The following TBC1D12 variants were observed in gnomAD, a reference collection of about 807,000 sequenced individuals.
TBC1D12 encodes the protein TBC1 domain family, member 12.
Under a neutral mutation model 86.7 loss-of-function variants are expected in TBC1D12, and 56 were observed. That is an observed-to-expected ratio of 0.65 (90% CI 0.52 to 0.81). The LOEUF is 0.81. TBC1D12 is among the 30% of genes least tolerant of loss of function. The pLI is 0.00. For missense variants in TBC1D12, 1,023 were observed against 1,038.8 expected (o/e 0.98, Z 0.21); for synonymous variants, 421 against 411.7 (o/e 1.02, Z -0.27).
In TBC1D12 at chr10:94,403,236, A is replaced by T. The variant is rs1445280040; in HGVS notation, c.623A>T (p.Asp208Val). Residue 208 changes from aspartate (D) to valine (V), a missense_variant, in exon 1 of 13, where the codon GAC (aspartate) becomes GTC (valine). Physicochemically the swap from Asp to Val is radical, Grantham distance 152. Coordinates refer to ENST00000225235, the MANE Select transcript of TBC1D12 (RefSeq NM_015188.2). ...CGGAGCTGCTGCCTGGTGGCCGCGG[A>T]CGCCCAGGAGCCCGAGGGCGCGGGC... Reference protein sequence around the residue: ...PLRSCCLVAADAQEPEGAGSD... With the variant: ...PLRSCCLVAAVAQEPEGAGSD... 1 of 1,507,132 alleles carries T rather than the reference A, an allele frequency of 6.6e-7. No individual in the cohort carries two copies. The highest frequency in any genetic ancestry group is 2.2e-5 in the Admixed American group (1 of 45,808). The allele number at this position is 1,507,132 out of a possible 1,614,324, so 93.4% of individuals were successfully genotyped here.
intron 6 of TBC1D12, 115 bp from the exon 7 acceptor site, chr10:94,507,152 A>T: frequency 2.1e-6 from 2 of 958,586 alleles, no homozygotes; most frequent in Admixed American, 2.7e-5. Context: ...CACTTTTTTG[A>T]TGCTTGCTAC....
chr10:94,508,753 T>A (rs2056491084), intron 7 of TBC1D12: 1 of 152,186 alleles, frequency 6.6e-6, no homozygotes, highest in Admixed American at 6.6e-5. Flanking sequence ...TTCTTTAACA[T>A]ATTTATAACA....
intron 2 of TBC1D12, among the ~76,000 whole-genome samples, chr10:94,453,113 A>G (rs913218724): frequency 1.3e-5 from 2 of 152,212 alleles, no homozygotes; most frequent in East Asian, 3.8e-4. Context: ...TCATGTTAAA[A>G]TCAGATTGTT....
At chr10:94,427,377 C>G (rs1361794365) in intron 1 of TBC1D12, among the ~76,000 whole-genome samples, 1 of 152,136 alleles carries the variant, frequency 6.6e-6, no homozygotes, top group Non-Finnish European at 1.5e-5. Flanking sequence ...CTTTGAATAT[C>G]TTAGATACTA....
At chr10:94,527,392 GT>G (rs1370028210) in intron 11 of TBC1D12, among the ~76,000 whole-genome samples, 65 of 140,632 alleles carry the variant, frequency 4.6e-4, no homozygotes, top group Non-Finnish European at 6.7e-4. Context: ...CCTGGCGTTT[GT>G]TTTTTTTTTT....
At chr10:94,482,863 T>G (rs1294774458) in intron 3 of TBC1D12, among the ~76,000 whole-genome samples, 2 of 152,236 alleles carry the variant, frequency 1.3e-5, no homozygotes, top group East Asian at 3.9e-4. Context: ...GTGATTTCAA[T>G]TGTTTTACTT....
At chr10:94,468,379 C>A (rs758393475) in intron 2 of TBC1D12, among the ~76,000 whole-genome samples, 1 of 152,162 alleles carries the variant, frequency 6.6e-6, no homozygotes, top group African/African-American at 2.4e-5. Context: ...ACAACAAATT[C>A]TCTTAGCTAT....
At chr10:94,464,192 A>G (rs148075344) in intron 2 of TBC1D12, among the ~76,000 whole-genome samples, 1 of 152,300 alleles carries the variant, frequency 6.6e-6, no homozygotes, top group African/African-American at 2.4e-5. Context: ...GCTTTTGTAT[A>G]CAATCTGATA....
At chr10:94,449,410 G>C (rs1303341381) in intron 2 of TBC1D12, among the ~76,000 whole-genome samples, 1 of 152,050 alleles carries the variant, frequency 6.6e-6, no homozygotes, top group Non-Finnish European at 1.5e-5. Flanking sequence ...TATAGGATGG[G>C]TTTTTTGTCT....
At chr10:94,424,078 T>C (rs1446933912) in intron 1 of TBC1D12, among the ~76,000 whole-genome samples, 2 of 152,228 alleles carry the variant, frequency 1.3e-5, no homozygotes, top group African/African-American at 4.8e-5. Flanking sequence ...ATTTAAAGTA[T>C]ACAAGAAGAT....
chr10:94,417,853 A>G (rs1260049556), intron 1 of TBC1D12, among the ~76,000 whole-genome samples: 1 of 146,628 alleles, frequency 6.8e-6, no homozygotes, highest in African/African-American at 2.6e-5. Context: ...GGTTCACGCC[A>G]TTCTCCTGCC....
rs190550421 is a variant in TBC1D12, at chr10:94,523,956, G to A, written c.2000+1503G>A. Among the ~76,000 whole-genome samples the A allele has an allele frequency of 2.1e-4, 32 of 152,164 alleles. 1 individual carries two copies. The highest frequency in any genetic ancestry group is 1.5e-3 in the Admixed American group (23 of 15,272). Reference sequence around the variant, plus strand: ...TGTCCTCCAGCCTGGGTGACAGAACGAGATCCTATTAAAAAAAAATTATGT... The same window carrying A: ...TGTCCTCCAGCCTGGGTGACAGAACAAGATCCTATTAAAAAAAAATTATGT... On this transcript the variant is annotated intron_variant, in intron 11 of 12. Transcript: ENST00000225235.
At chr10:94,481,195 A>G (rs2134156801) in intron 3 of TBC1D12, among the ~76,000 whole-genome samples, 1 of 152,272 alleles carries the variant, frequency 6.6e-6, no homozygotes, top group East Asian at 1.9e-4. Flanking sequence ...TAGGATTTTC[A>G]GAATGGTCCA....
In TBC1D12 at chr10:94,531,144, T is replaced by G. The variant is rs550843180; in HGVS notation, c.2001-58T>G. 1.2e-5 allele frequency: 19 copies of G among 1,550,584 alleles called. No homozygotes were observed. The South Asian group carries it at 2.1e-4, about 17-fold the overall frequency. ...GTTCTTTTTTTATAGAGATGCTTACTGAGTAAATGAGTCAATGAATGAAAA... is the reference window on the plus strand; with the variant it reads ...GTTCTTTTTTTATAGAGATGCTTACGGAGTAAATGAGTCAATGAATGAAAA... On this transcript the variant is annotated intron_variant, in intron 11 of 12. Coordinates refer to ENST00000225235, the MANE Select transcript of TBC1D12 (RefSeq NM_015188.2).
chr10:94,451,953 G>C (rs1216353592), intron 2 of TBC1D12, among the ~76,000 whole-genome samples: 2 of 151,786 alleles, frequency 1.3e-5, no homozygotes, highest in African/African-American at 4.8e-5. Flanking sequence ...AAGTTAGTTT[G>C]TGGTTGTTAA....
At position 94,421,659 on chromosome 10, in the gene TBC1D12, A is replaced by T. The variant is rs550535447; in HGVS notation, c.971+18075A>T. The stretch of plus-strand genomic sequence containing the variant: ...CATTTTACATTCCCACTAGCAATGA[A>T]TGAGGGTTCCAGTTTCTCTATGTTC... On this transcript the variant is annotated intron_variant, in intron 1 of 12. Transcript: ENST00000225235. Among the ~76,000 whole-genome samples, 4 of 152,304 alleles carry T rather than the reference A, an allele frequency of 2.6e-5. No homozygotes were observed. In the South Asian group the frequency reaches 8.3e-4, roughly 32 times the overall value.
chr10:94,510,646 A>T (rs1329682179), intron 8 of TBC1D12, among the ~76,000 whole-genome samples: 1 of 152,188 alleles, frequency 6.6e-6, no homozygotes, highest in Non-Finnish European at 1.5e-5. Flanking sequence ...TATATACTTT[A>T]TCTTTGACTC....
chr10:94,408,469 A>G (rs1351928488), intron 1 of TBC1D12, among the ~76,000 whole-genome samples: 1 of 152,150 alleles, frequency 6.6e-6, no homozygotes, highest in East Asian at 1.9e-4. Flanking sequence ...GATAGTCTCC[A>G]TTCTCCCTAA....
chr10:94,403,665 A>G, intron 1 of TBC1D12, 81 bp downstream of exon 1: 1 of 1,383,740 alleles, frequency 7.2e-7, no homozygotes, highest in Admixed American at 3.7e-5. Context: ...TCGGAGCCGG[A>G]GCCGGAGCCG....
Sources: allele counts gnomAD v4.1 joint callset (sites outside exome capture counted in the v4.1 genomes callset), GRCh38; gene constraint gnomAD v4.1.1; transcripts MANE v1.5; gene names NCBI Gene and HGNC (gene_info 2026-07-23, HGNC 2026-07-21).